Variants in HS3ST4 observed in about 807,000 individuals in gnomAD.
HS3ST4 encodes heparan sulfate-glucosamine 3-sulfotransferase 4.
In HS3ST4, 17 loss-of-function variants were observed where a neutral mutation model predicts 29.2. That is an observed-to-expected ratio of 0.58 (90% CI 0.40 to 0.87). The LOEUF (loss-of-function observed/expected upper bound fraction) is 0.87. Among genes scored for constraint, HS3ST4 ranks in the 40% least tolerant of loss-of-function variants. The pLI is 0.00. For missense variants in HS3ST4, 627 were observed against 634.5 expected (o/e 0.99, Z 0.13); for synonymous variants, 314 against 285.7 (o/e 1.10, Z -1.00).
At chr16:25,947,775 G>T (rs1329079886) in intron 1 of HS3ST4, among the ~76,000 whole-genome samples, 1 of 152,140 alleles carries the variant, frequency 6.6e-6, no homozygotes, top group Non-Finnish European at 1.5e-5. Flanking sequence ...CATAGTATAT[G>T]TGGGTGGTCA....
At chr16:25,894,145 T>C (rs1968037121) in intron 1 of HS3ST4, among the ~76,000 whole-genome samples, 1 of 152,116 alleles carries the variant, frequency 6.6e-6, no homozygotes, top group Non-Finnish European at 1.5e-5. Flanking sequence ...GCTCAGGACA[T>C]GGTTCCATTG....
chr16:26,057,040 T>G (rs953026728), intron 1 of HS3ST4, among the ~76,000 whole-genome samples: 2 of 152,204 alleles, frequency 1.3e-5, no homozygotes, highest in Non-Finnish European at 2.9e-5. Flanking sequence ...TCTGAAACTC[T>G]GAGTGTCAAC....
intron 1 of HS3ST4, among the ~76,000 whole-genome samples, chr16:25,855,677 A>G (rs1967567849): frequency 1.3e-5 from 2 of 152,082 alleles, no homozygotes; most frequent in African/African-American, 4.8e-5. Flanking sequence ...CTCCCTTCCC[A>G]TAATGTCTTG....
At chr16:25,918,091 T>TATA (rs1374877260) in intron 1 of HS3ST4, among the ~76,000 whole-genome samples, 1 of 152,226 alleles carries the variant, frequency 6.6e-6, no homozygotes, top group Non-Finnish European at 1.5e-5. Context: ...TCTGCAGACA[T>TATA]ATAATAATAA....
At chr16:25,968,562 C>A (rs1037340748) in intron 1 of HS3ST4, among the ~76,000 whole-genome samples, 1 of 152,166 alleles carries the variant, frequency 6.6e-6, no homozygotes, top group Admixed American at 6.5e-5. Flanking sequence ...CTTCATGTAT[C>A]CGTATCAATA....
chr16:25,733,861 G>A (rs1206757695), intron 1 of HS3ST4, among the ~76,000 whole-genome samples: 3 of 152,236 alleles, frequency 2.0e-5, no homozygotes, highest in African/African-American at 7.2e-5. Flanking sequence ...GCTCACGCCT[G>A]TAATCTCAAC....
At chr16:25,999,774 A>T (rs1284306718) in intron 1 of HS3ST4, among the ~76,000 whole-genome samples, 3 of 133,270 alleles carry the variant, frequency 2.3e-5, no homozygotes, top group Admixed American at 8.5e-5. Flanking sequence ...ATATATATTT[A>T]TATATATTAT....
chr16:26,030,303 G>A (rs924895731), intron 1 of HS3ST4, among the ~76,000 whole-genome samples: 1 of 152,176 alleles, frequency 6.6e-6, no homozygotes, highest in African/African-American at 2.4e-5. Flanking sequence ...AGCTACTCTG[G>A]AGGCTGTTAG....
intron 1 of HS3ST4, among the ~76,000 whole-genome samples, chr16:25,818,268 C>T (rs772753467): frequency 1.3e-5 from 2 of 152,160 alleles, no homozygotes; most frequent in South Asian, 2.1e-4. Context: ...GTGAAGTTCT[C>T]ATAAACTGGA....
In HS3ST4 at chr16:26,091,021, A is replaced by T. The variant is rs1199492675; in HGVS notation, c.735-44591A>T. ...GATAATTCCTTAAATAGCCCATAAA[A>T]TAAAATCTGTGCTGTTTTATTTATA... On this transcript the variant is annotated intron_variant, in intron 1 of 1. Coordinates refer to ENST00000331351, the MANE Select transcript of HS3ST4 (RefSeq NM_006040.3). Among the ~76,000 whole-genome samples, 3 of 152,216 alleles carry T rather than the reference A, an allele frequency of 2.0e-5. No homozygotes were observed. The East Asian group carries it at 5.8e-4, about 29-fold the overall frequency.
At chr16:25,802,412 T>G (rs573915509) in intron 1 of HS3ST4, among the ~76,000 whole-genome samples, 21 of 151,586 alleles carry the variant, frequency 1.4e-4, no homozygotes, top group Non-Finnish European at 2.6e-4. Flanking sequence ...TTTTCTTTCC[T>G]TTTTATTATA....
intron 1 of HS3ST4, among the ~76,000 whole-genome samples, chr16:25,749,093 A>T (rs1966702626): frequency 6.6e-6 from 1 of 152,252 alleles, no homozygotes; most frequent in East Asian, 1.9e-4. Flanking sequence ...CTCTTAAATA[A>T]TAACAATAAC....
intron 1 of HS3ST4, among the ~76,000 whole-genome samples, chr16:25,951,969 T>TA (rs1297301912): frequency 1.3e-5 from 2 of 149,482 alleles, no homozygotes; most frequent in Admixed American, 6.6e-5. Context: ...CCCTGGAACT[T>TA]AAAAAAAAGA....
At chr16:25,698,975 G>A (rs150658497) in intron 1 of HS3ST4, among the ~76,000 whole-genome samples, 3 of 152,180 alleles carry the variant, frequency 2.0e-5, no homozygotes, top group East Asian at 3.8e-4. Flanking sequence ...TGGCATTGGG[G>A]TTATGAGATC....
At chr16:26,062,656 G>C (rs1898491191) in intron 1 of HS3ST4, 2 of 152,018 alleles carry the variant, frequency 1.3e-5, no homozygotes, top group Admixed American at 1.3e-4. Context: ...TATTATAAAA[G>C]GGAGGCACGA....
intron 1 of HS3ST4, among the ~76,000 whole-genome samples, chr16:26,105,510 C>T (rs1899042131): frequency 6.6e-6 from 1 of 152,208 alleles, no homozygotes; most frequent in Admixed American, 6.5e-5. Flanking sequence ...AAGTCGAAAA[C>T]AAGCAATCTT....
At chr16:26,085,751 A>G (rs1363550204) in intron 1 of HS3ST4, among the ~76,000 whole-genome samples, 3 of 151,926 alleles carry the variant, frequency 2.0e-5, no homozygotes, top group African/African-American at 7.3e-5. Context: ...ATGTGCACCT[A>G]TAGTCTCAGC....
chr16:25,979,447 C>G (rs1365940491), intron 1 of HS3ST4, among the ~76,000 whole-genome samples: 4 of 152,144 alleles, frequency 2.6e-5, no homozygotes, highest in Non-Finnish European at 5.9e-5. Context: ...GTCAGATCAG[C>G]AGAGGCATTA....
At chr16:26,028,794 A>T (rs1969503330) in intron 1 of HS3ST4, 1 of 152,166 alleles carries the variant, frequency 6.6e-6, no homozygotes, top group Non-Finnish European at 1.5e-5. Flanking sequence ...GAGCCTAGCT[A>T]CTCCAGGCCA....
Sources: allele counts gnomAD v4.1 joint callset (sites outside exome capture counted in the v4.1 genomes callset), GRCh38; gene constraint gnomAD v4.1.1; transcripts MANE v1.5; gene names NCBI Gene and HGNC (gene_info 2026-07-23, HGNC 2026-07-21).